Variants in CPPED1 observed in about 807,000 individuals in gnomAD.
The protein encoded by CPPED1 is serine/threonine-protein phosphatase CPPED1.
CPPED1 carries 28 observed loss-of-function variants against 28.0 expected under a neutral mutation model. The observed-to-expected ratio is 1.00, with a 90% CI of 0.74 to 1.37. The LOEUF is 1.37. CPPED1 is among the 40% of genes most tolerant of loss of function. The pLI is 0.00. For synonymous variants in CPPED1, 198 were observed against 180.2 expected, an observed-to-expected ratio of 1.10 and a Z score of -0.79; for missense variants, 504 against 416.5, an observed-to-expected ratio of 1.21 and a Z score of -1.83.
chr16:12,717,949 A>G (rs2080116202), intron 2 of CPPED1, among the ~76,000 whole-genome samples: 1 of 152,076 alleles, frequency 6.6e-6, no homozygotes, highest in Admixed American at 6.6e-5. Flanking sequence ...ACTTGTTCCT[A>G]TATTTTTCTT....
chr16:12,702,606 C>G (rs1426899745), intron 3 of CPPED1, among the ~76,000 whole-genome samples: 5 of 151,924 alleles, frequency 3.3e-5, no homozygotes, highest in Non-Finnish European at 7.4e-5. Flanking sequence ...GTGCTCTGTC[C>G]TACAAGGGGA....
chr16:12,701,806 G>A (rs1449016567), intron 3 of CPPED1, among the ~76,000 whole-genome samples: 2 of 152,188 alleles, frequency 1.3e-5, no homozygotes, highest in African/African-American at 2.4e-5. Context: ...ACAGAGACAC[G>A]AAGGAGGTAG....
intron 1 of CPPED1, among the ~76,000 whole-genome samples, chr16:12,793,606 G>T (rs2080609526): frequency 2.0e-5 from 3 of 152,172 alleles, no homozygotes; most frequent in Admixed American, 6.5e-5. Flanking sequence ...AAGAATTAAT[G>T]ACTTAAAACA....
intron 1 of CPPED1, among the ~76,000 whole-genome samples, chr16:12,791,599 A>C (rs2080597060): frequency 6.6e-6 from 1 of 151,550 alleles, no homozygotes; most frequent in African/African-American, 2.4e-5. Flanking sequence ...ATCACCAACT[A>C]CTCTTGGGCC....
intron 2 of CPPED1, among the ~76,000 whole-genome samples, chr16:12,738,569 T>A (rs938372006): frequency 5.3e-5 from 8 of 152,150 alleles, no homozygotes; most frequent in African/African-American, 1.2e-4. Context: ...ATTCATTTAT[T>A]CAGAAGCAAG....
At position 12,803,365 on chromosome 16, in the gene CPPED1, T is replaced by C. The variant is rs144972732; in HGVS notation, c.70+342A>G. On this transcript the variant is annotated intron_variant, in intron 1 of 3. Transcript: ENST00000381774. Reference sequence around the variant, plus strand: ...ATTCCCGTTTCACAGATGTGGAAGCTGAGGCCAAGATGCTAATGCACAGCT... The same window carrying C: ...ATTCCCGTTTCACAGATGTGGAAGCCGAGGCCAAGATGCTAATGCACAGCT... Among the ~76,000 whole-genome samples, 299 of 152,334 alleles carry C rather than the reference T, an allele frequency of 2.0e-3. 7 individuals are homozygous for C. Among genetic ancestry groups the C allele is most frequent in the Admixed American group, 3.6e-3 (55 of 15,294 alleles).
At chr16:12,750,094 G>A (rs2080317816) in intron 2 of CPPED1, among the ~76,000 whole-genome samples, 1 of 152,216 alleles carries the variant, frequency 6.6e-6, no homozygotes. Context: ...TGGCTTAAGG[G>A]AATGTTGTGG....
intron 1 of CPPED1, among the ~76,000 whole-genome samples, chr16:12,793,253 A>G (rs1226235899): frequency 6.6e-6 from 1 of 152,216 alleles, no homozygotes; most frequent in Non-Finnish European, 1.5e-5. Context: ...TTACAACTGC[A>G]GGGTCATCAG....
At chr16:12,789,875 C>G (rs1030597157) in intron 1 of CPPED1, among the ~76,000 whole-genome samples, 1 of 152,148 alleles carries the variant, frequency 6.6e-6, no homozygotes, top group African/African-American at 2.4e-5. Context: ...CTTTGAAACA[C>G]TTTTAAATGA....
At chr16:12,691,082 C>T (rs1240097511) in intron 3 of CPPED1, among the ~76,000 whole-genome samples, 1 of 152,248 alleles carries the variant, frequency 6.6e-6, no homozygotes, top group Non-Finnish European at 1.5e-5. Context: ...TCGTTGAGAA[C>T]ACAGGACCCA....
intron 1 of CPPED1, among the ~76,000 whole-genome samples, chr16:12,801,487 C>A (rs937713017): frequency 2.0e-5 from 3 of 151,938 alleles, no homozygotes; most frequent in African/African-American, 7.3e-5. Flanking sequence ...TAACAGGGAA[C>A]TCTCATATAC....
rs553749574 is a variant in CPPED1, at chr16:12,750,880, A to C, written c.289+30305T>G. 5.9e-5 allele frequency among the ~76,000 whole-genome samples: 9 copies of C among 152,212 alleles called. No individual in the cohort carries two copies. In the South Asian group the frequency reaches 6.2e-4, roughly 11 times the overall value. On this transcript the variant is annotated intron_variant, in intron 2 of 3. Coordinates refer to ENST00000381774, the MANE Select transcript of CPPED1 (RefSeq NM_018340.3). ...CTACTCGGGAGGCTGAGGCAGGAGA[A>C]ATCCTTGAACTTGAGAGGTGGAGGT... is the stretch of plus-strand genomic sequence containing the variant.
chr16:12,803,886 T>G lies in CPPED1; in HGVS notation c.-110A>C. The G allele has an allele frequency of 3.2e-4, 223 of 697,796 alleles. No individual in the cohort carries two copies. The highest frequency in any genetic ancestry group is 4.2e-4 in the Non-Finnish European group (193 of 462,166). The allele number at this position is 697,796 out of a possible 1,614,324, so 43.2% of individuals were successfully genotyped here. On this transcript the variant is annotated 5_prime_UTR_variant, in exon 1 of 4. Coordinates refer to ENST00000381774, the MANE Select transcript of CPPED1 (RefSeq NM_018340.3). ...CCGCTTTGGGCGACGCCCTTTGATCTCGGGGCGGGACTGGGGCGGGACGGG... is the reference window on the plus strand; with the variant it reads ...CCGCTTTGGGCGACGCCCTTTGATCGCGGGGCGGGACTGGGGCGGGACGGG...
chr16:12,723,714 G>A (rs765027843), intron 2 of CPPED1, among the ~76,000 whole-genome samples: 1 of 152,170 alleles, frequency 6.6e-6, no homozygotes. Context: ...CGACAGTGAG[G>A]TGTGGTCGGA....
chr16:12,698,592 C>T (rs1349793626), intron 3 of CPPED1, among the ~76,000 whole-genome samples: 4 of 152,068 alleles, frequency 2.6e-5, no homozygotes, highest in East Asian at 1.9e-4. Context: ...CCACCATGCC[C>T]GGCTAATTTC....
rs182554843 is a variant in CPPED1, at chr16:12,731,267, C to T, written c.290-26218G>A. Among the ~76,000 whole-genome samples the T allele has an allele frequency of 7.1e-4, 107 of 151,678 alleles. 1 individual carries two copies. In the East Asian group the frequency reaches 0.02, roughly 28 times the overall value. ...CCCCCGGGTTCATGCCATTCCCCTG[C>T]CTCAGCCTCCCGAGTAGCTGGGACC... On this transcript the variant is annotated intron_variant, in intron 2 of 3. Coordinates refer to ENST00000381774, the MANE Select transcript of CPPED1 (RefSeq NM_018340.3).
intron 3 of CPPED1, among the ~76,000 whole-genome samples, chr16:12,671,189 C>T (rs2141166628): frequency 1.3e-5 from 2 of 152,198 alleles, no homozygotes; most frequent in South Asian, 4.1e-4. Flanking sequence ...TACCATTTTC[C>T]CCATTCATTA....
At chr16:12,720,757 C>A (rs184353487) in intron 2 of CPPED1, among the ~76,000 whole-genome samples, 1 of 152,346 alleles carries the variant, frequency 6.6e-6, no homozygotes, top group East Asian at 1.9e-4. Context: ...GGATTACAGG[C>A]GTGCGCCATC....
intron 2 of CPPED1, among the ~76,000 whole-genome samples, chr16:12,736,611 T>C (rs932647875): frequency 1.3e-5 from 2 of 152,166 alleles, no homozygotes; most frequent in African/African-American, 2.4e-5. Context: ...TTCTAGCCCA[T>C]AGAAGTGAAT....
Sources: allele counts gnomAD v4.1 joint callset (sites outside exome capture counted in the v4.1 genomes callset), GRCh38; gene constraint gnomAD v4.1.1; transcripts MANE v1.5; gene names NCBI Gene and HGNC (gene_info 2026-07-23, HGNC 2026-07-21).